Variants in GAB2 observed in about 807,000 individuals in gnomAD.
GAB2 encodes the protein GRB2-associated-binding protein 2.
GAB2 carries 26 observed loss-of-function variants against 65.5 expected under a neutral mutation model. The ratio of observed to expected loss-of-function variants is 0.40; its 90% CI spans 0.29 to 0.55. The LOEUF is 0.55. GAB2 is among the 20% of genes least tolerant of loss of function. GAB2 has a pLI of 0.53. For missense variants in GAB2, 884 were observed against 875.8 expected (o/e 1.01, Z -0.12); for synonymous variants, 321 against 329.6 (o/e 0.97, Z 0.28).
intron 2 of GAB2, among the ~76,000 whole-genome samples, chr11:78,278,200 G>A (rs1005433097): frequency 6.6e-6 from 1 of 151,546 alleles, no homozygotes; most frequent in Non-Finnish European, 1.5e-5. Context: ...CTCCCAAGTA[G>A]CTGGGATTAC....
chr11:78,368,212 T>C (rs923339178), intron 1 of GAB2, among the ~76,000 whole-genome samples: 4 of 152,228 alleles, frequency 2.6e-5, no homozygotes, highest in Non-Finnish European at 5.9e-5. Flanking sequence ...TTGCTAAGAA[T>C]GGCAAGACCA....
intron 1 of GAB2, among the ~76,000 whole-genome samples, chr11:78,367,821 C>CTTTTTTTT (rs569887849): frequency 1.3e-4 from 15 of 116,118 alleles, no homozygotes; most frequent in African/African-American, 3.2e-4. Flanking sequence ...TTTTCTTTTT[C>CTTTTTTTT]TTTTTTTTTT....
Position 78,317,421 on chromosome 11 carries a change from G to A in GAB2, c.76-36520C>T, listed in dbSNP as rs1855630309. ...CTAAAAATACAAAAATTAGCTGGGT[G>A]TGGTGGCGGGCAGCTGTAGTCCCAG... On this transcript the variant is annotated intron_variant, in intron 1 of 9. Transcript: ENST00000361507. Among the ~76,000 whole-genome samples the A allele has an allele frequency of 2.0e-5, 3 of 152,016 alleles. No individual in the cohort carries two copies. In the South Asian group the frequency reaches 6.2e-4, roughly 32 times the overall value.
chr11:78,324,091 C>T lies in GAB2; in HGVS notation c.76-43190G>A, dbSNP rs770114834. On this transcript the variant is annotated intron_variant, in intron 1 of 9. Coordinates refer to ENST00000361507, the MANE Select transcript of GAB2 (RefSeq NM_080491.3). ...GGGATAACAGTCATGATCCACCATG[C>T]CTGACTCCCTCTGAATTTTTTTTTT... Among the ~76,000 whole-genome samples the T allele has an allele frequency of 2.0e-4, 31 of 152,148 alleles. 1 individual carries two copies. The highest frequency in any genetic ancestry group is 3.4e-3 in the Middle Eastern group (1 of 294).
intron 3 of GAB2, among the ~76,000 whole-genome samples, chr11:78,242,966 C>T (rs1010842782): frequency 6.6e-6 from 1 of 151,532 alleles, no homozygotes; most frequent in African/African-American, 2.4e-5. Context: ...AGTTCGAGAC[C>T]AGCCTGGCCA....
chr11:78,345,076 T>A (rs1338601921), intron 1 of GAB2, among the ~76,000 whole-genome samples: 1 of 151,988 alleles, frequency 6.6e-6, no homozygotes, highest in Admixed American at 6.6e-5. Context: ...GCTTAGGAGT[T>A]CAAGACCAGC....
chr11:78,348,644 G>A (rs2134701119), intron 1 of GAB2, among the ~76,000 whole-genome samples: 1 of 152,314 alleles, frequency 6.6e-6, no homozygotes, highest in East Asian at 1.9e-4. Context: ...TGATAGGAAA[G>A]TAAAACAATA....
chr11:78,365,963 G>A (rs1310747295), intron 1 of GAB2, among the ~76,000 whole-genome samples: 1 of 152,224 alleles, frequency 6.6e-6, no homozygotes, highest in African/African-American at 2.4e-5. Flanking sequence ...ATTAACTGCT[G>A]TGTAATTATG....
intron 1 of GAB2, among the ~76,000 whole-genome samples, chr11:78,344,454 C>T (rs752237549): frequency 1.3e-5 from 2 of 152,078 alleles, no homozygotes; most frequent in South Asian, 2.1e-4. Flanking sequence ...TGGCAAGTGA[C>T]GGAAAGAGAA....
intron 1 of GAB2, among the ~76,000 whole-genome samples, chr11:78,371,116 C>T (rs1024559407): frequency 2.3e-4 from 35 of 152,332 alleles, no homozygotes; most frequent in African/African-American, 7.7e-4. Flanking sequence ...CACCACTGAG[C>T]AAGCAGACTG....
At chr11:78,235,754 C>T (rs1432714469) in intron 3 of GAB2, among the ~76,000 whole-genome samples, 3 of 152,294 alleles carry the variant, frequency 2.0e-5, no homozygotes, top group African/African-American at 7.2e-5. Context: ...CCTTATTGTC[C>T]ATATCGCTAT....
chr11:78,248,485 C>G (rs1865357079), intron 3 of GAB2, among the ~76,000 whole-genome samples: 1 of 152,172 alleles, frequency 6.6e-6, no homozygotes, highest in Non-Finnish European at 1.5e-5. Context: ...TCAGGTATTT[C>G]ATATGCATGT....
At chr11:78,338,159 T>C (rs1180294444) in intron 1 of GAB2, among the ~76,000 whole-genome samples, 1 of 152,238 alleles carries the variant, frequency 6.6e-6, no homozygotes, top group East Asian at 1.9e-4. Flanking sequence ...GAATGTTCAA[T>C]GTTCAATTCA....
intron 3 of GAB2, among the ~76,000 whole-genome samples, chr11:78,241,271 T>C (rs929383149): frequency 9.2e-5 from 14 of 152,190 alleles, no homozygotes; most frequent in South Asian, 2.1e-4. Context: ...ATCACATCCT[T>C]CTCAACTGGA....
chr11:78,371,142 G>C (rs1277334647), intron 1 of GAB2, among the ~76,000 whole-genome samples: 1 of 152,190 alleles, frequency 6.6e-6, no homozygotes, highest in Non-Finnish European at 1.5e-5. Context: ...GGTGCAGACA[G>C]AACCAAGGGC....
At chr11:78,220,493 C>T (rs751576227) in intron 8 of GAB2, 49 bp from the exon 9 acceptor site, 1 of 1,510,602 alleles carries the variant, frequency 6.6e-7, no homozygotes, top group Non-Finnish European at 8.9e-7. Context: ...AACAGACTAA[C>T]CCACCACCCA....
At chr11:78,236,911 T>A (rs1203663213) in intron 3 of GAB2, among the ~76,000 whole-genome samples, 2 of 152,246 alleles carry the variant, frequency 1.3e-5, no homozygotes, top group African/African-American at 4.8e-5. Context: ...CATATAGATA[T>A]ACACACATAC....
chr11:78,334,988 T>A (rs1033212346), intron 1 of GAB2, among the ~76,000 whole-genome samples: 4 of 152,262 alleles, frequency 2.6e-5, no homozygotes, highest in Non-Finnish European at 5.9e-5. Flanking sequence ...GTATCTCTGA[T>A]GATCAATGAT....
chr11:78,315,902 T>C (rs1305821566), intron 1 of GAB2, among the ~76,000 whole-genome samples: 5 of 152,166 alleles, frequency 3.3e-5, no homozygotes, highest in African/African-American at 1.2e-4. Flanking sequence ...TGAGTCAGTG[T>C]ACTGAGAAAG....
Sources: gnomAD v4.1 joint callset for allele counts (sites outside exome capture counted in the v4.1 genomes callset) on GRCh38, gnomAD v4.1.1 for gene constraint, MANE v1.5 for transcripts, NCBI Gene and HGNC (gene_info 2026-07-23, HGNC 2026-07-21) for gene names.